DLG2: variants seen among roughly 807,000 people sequenced by gnomAD.
DLG2 encodes the protein discs large MAGUK scaffold protein 2.
A neutral mutation model predicts 132.5 loss-of-function variants in DLG2; 45 were observed. The observed-to-expected ratio is 0.34, with a 90% confidence interval of 0.27 to 0.44. DLG2 has a LOEUF of 0.44. Among genes scored for constraint, DLG2 ranks in the 20% least tolerant of loss-of-function variants. The pLI is 1.00. For synonymous variants in DLG2, 424 were observed against 419.6 expected, an observed-to-expected ratio of 1.01 and a Z score of -0.13; for missense variants, 1,045 against 1,196.9, an observed-to-expected ratio of 0.87 and a Z score of 1.87.
chr11:84,731,653 A>C (rs1261625424), intron 6 of DLG2, among the ~76,000 whole-genome samples: 1 of 152,038 alleles, frequency 6.6e-6, no homozygotes, highest in African/African-American at 2.4e-5. Flanking sequence ...GGAAATATCA[A>C]GTGAACAGAG....
chr11:84,775,805 T>C (rs1309229639), intron 6 of DLG2, among the ~76,000 whole-genome samples: 2 of 152,096 alleles, frequency 1.3e-5, no homozygotes, highest in East Asian at 1.9e-4. Context: ...TGCTTGCTCT[T>C]TGGGTAACAT....
intron 7 of DLG2, among the ~76,000 whole-genome samples, chr11:84,525,390 T>A (rs1035029304): frequency 2.0e-5 from 3 of 152,190 alleles, no homozygotes; most frequent in African/African-American, 7.2e-5. Flanking sequence ...CATCCTCTAC[T>A]CTGGGGTCAA....
chr11:84,080,829 TA>T (rs2154154767), intron 10 of DLG2, among the ~76,000 whole-genome samples: 2 of 152,036 alleles, frequency 1.3e-5, no homozygotes, highest in East Asian at 3.9e-4. Context: ...CCATCTCTAC[TA>T]AAAACACAAA....
chr11:83,755,436 A>G (rs1488431751), intron 18 of DLG2, among the ~76,000 whole-genome samples: 1 of 151,320 alleles, frequency 6.6e-6, no homozygotes, highest in Non-Finnish European at 1.5e-5. Context: ...GTACATATAC[A>G]TATAGTATTT....
intron 4 of DLG2, among the ~76,000 whole-genome samples, chr11:85,169,521 T>G (rs984445840): frequency 3.3e-5 from 5 of 152,020 alleles, no homozygotes; most frequent in Non-Finnish European, 5.9e-5. Context: ...GACAAGGAGA[T>G]GAGGGAATGT....
At chr11:85,019,357 A>G (rs1325472117) in intron 6 of DLG2, among the ~76,000 whole-genome samples, 2 of 152,170 alleles carry the variant, frequency 1.3e-5, no homozygotes, top group Non-Finnish European at 2.9e-5. Flanking sequence ...GGGAACACTG[A>G]GCATGTGCTG....
Position 84,012,531 on chromosome 11 carries a change from C to T in DLG2, c.920-31889G>A, listed in dbSNP as rs531446115. Among the ~76,000 whole-genome samples, 3 of 152,180 alleles carry T rather than the reference C, an allele frequency of 2.0e-5. No individual in the cohort carries two copies. In the East Asian group the frequency reaches 5.8e-4, roughly 29 times the overall value. ...ACTGAAATCTTTGGAATATAGTTGG[C>T]AAATGCAGTTGGGATTCTCTCCAGT... On this transcript the variant is annotated intron_variant, in intron 11 of 27. Coordinates refer to ENST00000376104, the MANE Select transcript of DLG2 (RefSeq NM_001142699.3).
intron 17 of DLG2, among the ~76,000 whole-genome samples, chr11:83,789,303 T>A (rs1386476698): frequency 1.4e-5 from 2 of 143,972 alleles, no homozygotes; most frequent in Non-Finnish European, 3.0e-5. Context: ...AAATGGGCCA[T>A]TTAAAAAGAC....
chr11:84,812,138 T>G (rs2153972997), intron 6 of DLG2, among the ~76,000 whole-genome samples: 1 of 152,324 alleles, frequency 6.6e-6, no homozygotes, highest in South Asian at 2.1e-4. Context: ...TCCAGCATTA[T>G]CCAGCAGCAC....
In DLG2 at chr11:84,624,579, T is replaced by C. The variant is rs112110248; in HGVS notation, c.358-89848A>G. 3.9e-5 allele frequency among the ~76,000 whole-genome samples: 6 copies of C among 152,098 alleles called. 1 individual carries two copies. Among genetic ancestry groups the C allele is most frequent in the African/African-American group, 1.4e-4 (6 of 41,488 alleles). On this transcript the variant is annotated intron_variant, in intron 6 of 27. Transcript: ENST00000376104. ...GTACTGTATGAGGTCTATCAAATCA[T>C]TATTATTAACCTTAATAAAATCCTC...
chr11:84,507,679 G>A (rs990389558), intron 7 of DLG2, among the ~76,000 whole-genome samples: 1 of 152,224 alleles, frequency 6.6e-6, no homozygotes, highest in African/African-American at 2.4e-5. Context: ...TTTTCATCAC[G>A]AAGGGATGCT....
At chr11:83,459,988 C>T (rs1446452084) in intron 27 of DLG2, 64 bp from the exon 28 acceptor site, 2 of 907,202 alleles carry the variant, frequency 2.2e-6, no homozygotes, top group Admixed American at 1.9e-5. Flanking sequence ...GAACAATCAT[C>T]ACTTACACAT....
intron 19 of DLG2, among the ~76,000 whole-genome samples, chr11:83,552,855 G>GC (rs2096426312): frequency 6.6e-6 from 1 of 152,128 alleles, no homozygotes; most frequent in South Asian, 2.1e-4. Flanking sequence ...AAAAAATTCT[G>GC]CAACTTTCAT....
chr11:84,757,771 C>G (rs560969232), intron 6 of DLG2, among the ~76,000 whole-genome samples: 2 of 152,172 alleles, frequency 1.3e-5, no homozygotes, highest in Non-Finnish European at 1.5e-5. Context: ...CTGTATGTTT[C>G]CCACCATGCC....
At chr11:84,861,640 C>A (rs5003299) in intron 6 of DLG2, among the ~76,000 whole-genome samples, 49,026 of 74,444 alleles carry the variant, frequency 0.66, 13,349 homozygotes, top group Middle Eastern at 0.79. Flanking sequence ...AAAAAAAAAA[C>A]AAAAAAAAAA....
intron 3 of DLG2, among the ~76,000 whole-genome samples, chr11:85,570,224 T>A (rs1044149130): frequency 6.6e-6 from 1 of 152,212 alleles, no homozygotes; most frequent in Non-Finnish European, 1.5e-5. Flanking sequence ...TTAATAAATG[T>A]GGTTATCTGA....
At chr11:85,518,428 C>T (rs2094212087) in intron 3 of DLG2, among the ~76,000 whole-genome samples, 1 of 152,162 alleles carries the variant, frequency 6.6e-6, no homozygotes, top group Non-Finnish European at 1.5e-5. Context: ...TTGGCCCCTG[C>T]ACTAGAGATT....
intron 3 of DLG2, among the ~76,000 whole-genome samples, chr11:85,393,529 G>A (rs1596842529): frequency 6.6e-6 from 1 of 152,054 alleles, no homozygotes; most frequent in South Asian, 2.1e-4. Flanking sequence ...CACGTGTATA[G>A]CAGCACAATT....
intron 12 of DLG2, among the ~76,000 whole-genome samples, chr11:83,974,024 CAA>C (rs1447307931): frequency 1.3e-5 from 2 of 151,974 alleles, no homozygotes; most frequent in Non-Finnish European, 2.9e-5. Flanking sequence ...AACTACCTCT[CAA>C]AGATGGGGGT....
Sources: allele counts gnomAD v4.1 joint callset (sites outside exome capture counted in the v4.1 genomes callset), GRCh38; gene constraint gnomAD v4.1.1; transcripts MANE v1.5; gene names NCBI Gene and HGNC (gene_info 2026-07-23, HGNC 2026-07-21).